ROPN1L: variants seen among roughly 807,000 people sequenced by gnomAD.
ROPN1L encodes the protein rhophilin associated tail protein 1 like, also known as ropporin-1-like protein.
ROPN1L carries 23 observed loss-of-function variants against 22.7 expected under a neutral mutation model. The ratio of observed to expected loss-of-function variants is 1.01; its 90% CI spans 0.73 to 1.43. The LOEUF (loss-of-function observed/expected upper bound fraction) is 1.43. Among genes scored for constraint, ROPN1L ranks in the 40% most tolerant of loss-of-function variants. The pLI is 0.00. For synonymous variants in ROPN1L, 116 were observed against 117.8 expected (o/e 0.98, Z 0.10); for missense variants, 271 against 291.5 (o/e 0.93, Z 0.51).
At chr5:10,475,167 G>C (rs1735302298), downstream of ROPN1L, among the ~76,000 whole-genome samples, 2 of 152,102 alleles carry the variant, frequency 1.3e-5, no homozygotes, top group Admixed American at 1.3e-4. Flanking sequence ...CTTCTAGCAA[G>C]TTCCGCTAGC....
intron 3 of ROPN1L, among the ~76,000 whole-genome samples, chr5:10,459,394 T>G (rs1362230458): frequency 6.8e-6 from 1 of 146,772 alleles, no homozygotes; most frequent in Admixed American, 6.7e-5. Flanking sequence ...TCATCACTTC[T>G]CTTCACACAT....
chr5:10,444,782 C>T (rs1017612280), intron 1 of ROPN1L, among the ~76,000 whole-genome samples: 3 of 151,172 alleles, frequency 2.0e-5, no homozygotes, highest in Non-Finnish European at 4.4e-5. Context: ...ATCTGTAGTC[C>T]CAGTTACATG....
chr5:10,451,969 T>TA (rs1385717934), intron 3 of ROPN1L, among the ~76,000 whole-genome samples: 122 of 151,314 alleles, frequency 8.1e-4, no homozygotes, highest in African/African-American at 2.7e-3. Context: ...CTATCTAATC[T>TA]ATCTATCTAT....
At position 10,442,123 on chromosome 5, in the gene ROPN1L, G is replaced by T. The variant is rs374704312; in HGVS notation, c.-45G>T. 55 of 1,582,738 alleles carry T rather than the reference G, an allele frequency of 3.5e-5. No individual in the cohort carries two copies. Among genetic ancestry groups the T allele is most frequent in the Non-Finnish European group, 3.2e-5 (37 of 1,157,074 alleles). On this transcript the variant is annotated 5_prime_UTR_variant, in exon 1 of 5. Coordinates refer to ENST00000274134, the MANE Select transcript of ROPN1L (RefSeq NM_031916.5). ...TAGCCGACAGCCGCCCTTCTTCCTC[G>T]CAGCGCGCCGCGATTCACCAGCCTG...
chr5:10,445,412 G>T (rs997640886), intron 1 of ROPN1L, among the ~76,000 whole-genome samples: 1 of 152,174 alleles, frequency 6.6e-6, no homozygotes, highest in Non-Finnish European at 1.5e-5. Context: ...TGAGTAAGGC[G>T]GGACTTGGTA....
intron 1 of ROPN1L, 118 bp from the exon 2 acceptor site, chr5:10,448,142 T>A: frequency 8.9e-7 from 1 of 1,128,744 alleles, no homozygotes; most frequent in Admixed American, 2.0e-5. Flanking sequence ...CCCGGGATGT[T>A]GGTCTTCAGA....
At chr5:10,446,430 G>A (rs1368546669) in intron 1 of ROPN1L, among the ~76,000 whole-genome samples, 1 of 152,126 alleles carries the variant, frequency 6.6e-6, no homozygotes, top group Non-Finnish European at 1.5e-5. Context: ...AGGCTGAGGC[G>A]GGTTGATTGT....
intron 3 of ROPN1L, among the ~76,000 whole-genome samples, chr5:10,452,298 T>C (rs1014932003): frequency 7.0e-6 from 1 of 142,512 alleles, no homozygotes; most frequent in East Asian, 2.1e-4. Context: ...TGTGTGTGTG[T>C]GTGTGTGTGT....
the ROPN1L span, among the ~76,000 whole-genome samples, chr5:10,480,494 C>CATTGGA: frequency 2.0e-5 from 3 of 151,844 alleles, no homozygotes; most frequent in African/African-American, 7.3e-5. Context: ...CAGATGCACA[C>CATTGGA]ATTGGAATTG....
intron 4 of ROPN1L, among the ~76,000 whole-genome samples, chr5:10,462,544 C>G (rs995947352): frequency 1.3e-5 from 2 of 152,200 alleles, no homozygotes; most frequent in South Asian, 2.1e-4. Flanking sequence ...TATCCCAGAT[C>G]TATCCTGATT....
chr5:10,457,307 A>G (rs1431923215), intron 3 of ROPN1L, among the ~76,000 whole-genome samples: 1 of 152,224 alleles, frequency 6.6e-6, no homozygotes, highest in African/African-American at 2.4e-5. Context: ...CTGCCCCATC[A>G]GGCCGCTGGG....
chr5:10,444,854 G>A (rs1291045836), intron 1 of ROPN1L, among the ~76,000 whole-genome samples: 2 of 151,826 alleles, frequency 1.3e-5, no homozygotes, highest in Admixed American at 6.5e-5. Flanking sequence ...AGCCAAGATC[G>A]TGCCACTGCA....
At chr5:10,463,935 G>C (rs545256185) in intron 4 of ROPN1L, among the ~76,000 whole-genome samples, 1 of 152,264 alleles carries the variant, frequency 6.6e-6, no homozygotes, top group Admixed American at 6.5e-5. Context: ...ACCACCCAGA[G>C]TCTTGTCCCC....
downstream of ROPN1L, among the ~76,000 whole-genome samples, chr5:10,467,967 C>T (rs1735182587): frequency 6.6e-6 from 1 of 152,248 alleles, no homozygotes; most frequent in Non-Finnish European, 1.5e-5. Flanking sequence ...CAGGTCCCGT[C>T]CCCTGAGTGC....
At chr5:10,471,889 G>A (rs1169742483) in exon 5 of ROPN1L, 2 of 152,308 alleles carry the variant, frequency 1.3e-5, no homozygotes, top group Non-Finnish European at 2.9e-5. Flanking sequence ...GCTGGGCTCA[G>A]AGCATGGAAG....
rs768353174 is a variant in ROPN1L, at chr5:10,442,291, T to C, written c.124T>C (p.Ser42Pro). Residue 42 changes from serine to proline, a missense_variant, in exon 1 of 5, where the codon TCC (serine) becomes CCC (proline). By Grantham distance (74) the Ser-to-Pro change is moderately conservative. Transcript: ENST00000274134. Reference protein sequence around the residue: ...RTQPADVLRWSAGYFSALSRG... With the variant: ...RTQPADVLRWPAGYFSALSRG... ...CCAGCCGGCCGACGTGCTGCGGTGG[T>C]CCGCGGGGTAAGCGCCCTTGGCCCG... is the stretch of plus-strand genomic sequence containing the variant. The C allele has an allele frequency of 6.2e-7, 1 of 1,613,264 alleles. No individual in the cohort carries two copies. The highest frequency in any genetic ancestry group is 1.1e-5 in the South Asian group (1 of 91,072).
intron 3 of ROPN1L, 43 bp from the exon 4 acceptor site, chr5:10,461,141 A>G: frequency 1.9e-6 from 3 of 1,567,692 alleles, no homozygotes; most frequent in Admixed American, 3.5e-5. Flanking sequence ...GAGTGATGCC[A>G]GGAGTAACTG....
intron 1 of ROPN1L, among the ~76,000 whole-genome samples, chr5:10,445,943 C>A (rs1182489770): frequency 6.6e-6 from 1 of 152,054 alleles, no homozygotes; most frequent in East Asian, 1.9e-4. Context: ...AACAAACAAA[C>A]AAAAAAGATG....
At chr5:10,461,749 G>A (rs1735034838) in intron 4 of ROPN1L, among the ~76,000 whole-genome samples, 1 of 152,142 alleles carries the variant, frequency 6.6e-6, no homozygotes, top group African/African-American at 2.4e-5. Flanking sequence ...CCCCTCCTTG[G>A]GTCAATTAAT....
Sources: gnomAD v4.1 joint callset for allele counts (sites outside exome capture counted in the v4.1 genomes callset) on GRCh38, gnomAD v4.1.1 for gene constraint, MANE v1.5 for transcripts, NCBI Gene and HGNC (gene_info 2026-07-23, HGNC 2026-07-21) for gene names.